The following EXOC6B variants were observed in gnomAD, a reference collection of about 807,000 sequenced individuals.
The protein encoded by EXOC6B is SEC15 homolog B.
A neutral mutation model predicts 113.5 loss-of-function variants in EXOC6B; 54 were observed. The ratio of observed to expected loss-of-function variants is 0.48; its 90% CI spans 0.38 to 0.60. The LOEUF (loss-of-function observed/expected upper bound fraction) is 0.60. Among genes scored for constraint, EXOC6B ranks in the 20% least tolerant of loss-of-function variants. The pLI is 0.00. For missense variants in EXOC6B, 797 were observed against 977.5 expected, an observed-to-expected ratio of 0.82 and a Z score of 2.46; for synonymous variants, 357 against 339.0, an observed-to-expected ratio of 1.05 and a Z score of -0.58.
At chr2:72,335,405 T>C (rs1281098283) in intron 19 of EXOC6B, 1 of 160,696 alleles carries the variant, frequency 6.2e-6, no homozygotes, top group African/African-American at 2.4e-5. Flanking sequence ...TTCCAAAAGC[T>C]ATTTATATTT....
rs78312801 is a variant in EXOC6B at position 72,311,404 on chromosome 2, G to A, written c.2196+23543C>T. Among the ~76,000 whole-genome samples, 808 of 152,142 alleles carry A rather than the reference G, an allele frequency of 5.3e-3. 7 individuals carry two copies. Among genetic ancestry groups the A allele is most frequent in the African/African-American group, 0.019 (782 of 41,506 alleles). ...TTCCCAGCCTTTATAGAGGCCACCC[G>A]TACTCTTTGGGTCATGGCCTCCTTC... On this transcript the variant is annotated intron_variant, in intron 20 of 21. Coordinates refer to ENST00000272427, the MANE Select transcript of EXOC6B (RefSeq NM_015189.3).
intron 11 of EXOC6B, among the ~76,000 whole-genome samples, chr2:72,501,973 T>G (rs1700346890): frequency 6.6e-6 from 1 of 151,840 alleles, no homozygotes; most frequent in South Asian, 2.1e-4. Flanking sequence ...ATGTTGCCCA[T>G]GCTGGTCTCA....
chr2:72,504,098 G>C (rs1399654893), intron 11 of EXOC6B, among the ~76,000 whole-genome samples: 1 of 152,000 alleles, frequency 6.6e-6, no homozygotes, highest in African/African-American at 2.4e-5. Context: ...TTTGTAGATG[G>C]TGTCTCACTA....
chr2:72,570,685 G>T (rs1389734164), intron 7 of EXOC6B, among the ~76,000 whole-genome samples: 1 of 152,164 alleles, frequency 6.6e-6, no homozygotes, highest in African/African-American at 2.4e-5. Flanking sequence ...TGGTATCAAT[G>T]AAGTATTCTA....
chr2:72,411,959 G>A (rs538941158), intron 18 of EXOC6B, among the ~76,000 whole-genome samples: 11 of 152,142 alleles, frequency 7.2e-5, no homozygotes, highest in African/African-American at 2.6e-4. Flanking sequence ...TGAAAAACAA[G>A]ATAAAAGCAA....
At chr2:72,345,966 A>G (rs959154032) in intron 19 of EXOC6B, among the ~76,000 whole-genome samples, 5 of 152,144 alleles carry the variant, frequency 3.3e-5, no homozygotes, top group Non-Finnish European at 7.4e-5. Context: ...CTTCCACCCA[A>G]TTTTGCTGGG....
intron 19 of EXOC6B, among the ~76,000 whole-genome samples, chr2:72,367,332 AATCT>A (rs1034784208): frequency 2.4e-3 from 7 of 2,968 alleles, no homozygotes; most frequent in Non-Finnish European, 3.4e-3. Flanking sequence ...AACACTGATT[AATCT>A]AAAAAAAAGC....
chr2:72,469,401 T>C (rs946520400), intron 17 of EXOC6B, among the ~76,000 whole-genome samples: 44 of 152,092 alleles, frequency 2.9e-4, no homozygotes, highest in Non-Finnish European at 5.4e-4. Context: ...TTATTAAATT[T>C]AGATCCTTCT....
chr2:72,645,883 T>A (rs1049197360), intron 6 of EXOC6B, among the ~76,000 whole-genome samples: 9 of 151,962 alleles, frequency 5.9e-5, no homozygotes, highest in Non-Finnish European at 1.0e-4. Flanking sequence ...TTAAAAGAAC[T>A]AGAGAAGCAA....
chr2:72,312,808 A>C (rs1190834319), intron 20 of EXOC6B, among the ~76,000 whole-genome samples: 9 of 151,590 alleles, frequency 5.9e-5, no homozygotes, highest in Non-Finnish European at 1.2e-4. Context: ...ACCAAAAAAA[A>C]AAAAAACAAA....
intron 18 of EXOC6B, among the ~76,000 whole-genome samples, chr2:72,448,089 T>C (rs1696694485): frequency 6.6e-6 from 1 of 152,190 alleles, no homozygotes; most frequent in Admixed American, 6.5e-5. Flanking sequence ...TTTAAGGCAT[T>C]CATGTTCAAG....
At chr2:72,408,817 A>C (rs1382303897) in intron 18 of EXOC6B, among the ~76,000 whole-genome samples, 2 of 152,240 alleles carry the variant, frequency 1.3e-5, no homozygotes, top group African/African-American at 4.8e-5. Flanking sequence ...CAAGGACTTC[A>C]TGTCTAAAAC....
chr2:72,427,214 G>T (rs559849631), intron 18 of EXOC6B, among the ~76,000 whole-genome samples: 1 of 152,226 alleles, frequency 6.6e-6, no homozygotes, highest in Non-Finnish European at 1.5e-5. Flanking sequence ...GAACAGCATG[G>T]TTGGGCACAG....
intron 8 of EXOC6B, among the ~76,000 whole-genome samples, chr2:72,540,355 T>A (rs1472696206): frequency 1.3e-5 from 2 of 152,014 alleles, no homozygotes; most frequent in Middle Eastern, 3.2e-3. Flanking sequence ...ATAAGGAGAG[T>A]ACCAAAAAAA....
chr2:72,480,579 C>A, intron 17 of EXOC6B, 37 bp downstream of exon 17: 2 of 1,544,172 alleles, frequency 1.3e-6, no homozygotes, highest in South Asian at 1.2e-5. Context: ...ACTGTGTACA[C>A]CAGAAGCAGT....
chr2:72,279,352 G>T (rs1684988072), intron 20 of EXOC6B, among the ~76,000 whole-genome samples: 1 of 152,122 alleles, frequency 6.6e-6, no homozygotes, highest in African/African-American at 2.4e-5. Context: ...TTCCCTTTAT[G>T]TGACCCAGTC....
At chr2:72,672,471 C>T (rs913678784) in intron 6 of EXOC6B, among the ~76,000 whole-genome samples, 7 of 149,758 alleles carry the variant, frequency 4.7e-5, no homozygotes, top group Admixed American at 4.0e-4. Context: ...TCTACTAACC[C>T]GGGAGGCGGA....
At chr2:72,230,916 C>T (rs774925450) in intron 20 of EXOC6B, among the ~76,000 whole-genome samples, 10 of 152,130 alleles carry the variant, frequency 6.6e-5, no homozygotes, top group Non-Finnish European at 1.5e-4. Context: ...ACAGGCTTTC[C>T]AGGTATGTGT....
chr2:72,733,234 C>T (rs1558958340), intron 2 of EXOC6B, 116 bp from the exon 3 acceptor site: 1 of 734,918 alleles, frequency 1.4e-6, no homozygotes, highest in Non-Finnish European at 2.3e-6. Flanking sequence ...TTTCAGTACT[C>T]CACTACATAT....
Sources: allele counts gnomAD v4.1 joint callset (sites outside exome capture counted in the v4.1 genomes callset), GRCh38; gene constraint gnomAD v4.1.1; transcripts MANE v1.5; gene names NCBI Gene and HGNC (gene_info 2026-07-23, HGNC 2026-07-21).